Variants in SIDT2 observed in about 807,000 individuals in gnomAD.
SIDT2 encodes the protein SID1 transmembrane family, member 2.
Under a neutral mutation model 114.4 loss-of-function variants are expected in SIDT2, and 68 were observed. That is an observed-to-expected ratio of 0.59 (90% CI 0.49 to 0.73). The LOEUF is 0.73. Among genes scored for constraint, SIDT2 ranks in the 30% least tolerant of loss-of-function variants. The pLI is 0.00. For missense variants in SIDT2, 918 were observed against 1,097.1 expected, an observed-to-expected ratio of 0.84 and a Z score of 2.31; for synonymous variants, 470 against 438.4, an observed-to-expected ratio of 1.07 and a Z score of -0.90.
At position 117,192,719 on chromosome 11, in the gene SIDT2, G is replaced by T; in HGVS notation, c.2058+69G>T. 1 of 1,612,044 alleles carries T rather than the reference G, an allele frequency of 6.2e-7. No individual in the cohort carries two copies. ...TTCCCTCTGATGGGGGAGTGGGGCT[G>T]GGCTGAGGACCCAGGGGAGAGTGGG... On this transcript the variant is annotated intron_variant, in intron 21 of 25. Coordinates refer to ENST00000324225, the MANE Select transcript of SIDT2 (RefSeq NM_001040455.2). This position sits in a 1 kb window ranked among gnomAD's most constrained non-coding sequence, Gnocchi z 5.9.
intron 23 of SIDT2, 64 bp downstream of exon 23, chr11:117,193,322 C>G: frequency 7.2e-7 from 1 of 1,380,754 alleles, no homozygotes; most frequent in East Asian, 2.3e-5. Flanking sequence ...GAGATGGGCC[C>G]GGCAGCATTG....
rs115389334 is a variant in SIDT2 at position 117,195,360 on chromosome 11, T to A, written c.2323-442T>A. Among the ~76,000 whole-genome samples the A allele has an allele frequency of 4.5e-3, 684 of 152,178 alleles. 8 individuals carry two copies. The highest frequency in any genetic ancestry group is 0.015 in the African/African-American group (641 of 41,516). ...CAGGGAGGACCTTGAGTGCCACAGG[T>A]TATGGCTACTGTCCCGGAGCAGGTG... On this transcript the variant is annotated intron_variant, in intron 24 of 25. Coordinates refer to ENST00000324225, the MANE Select transcript of SIDT2 (RefSeq NM_001040455.2).
In SIDT2 at chr11:117,181,862, AC is replaced by A; in HGVS notation, c.363del (p.Lys122ArgfsTer64). The A allele has an allele frequency of 6.2e-7, 1 of 1,614,176 alleles. No individual in the cohort carries two copies. The highest frequency in any genetic ancestry group is 8.5e-7 in the Non-Finnish European group (1 of 1,180,020). On this transcript the variant is annotated frameshift_variant, in exon 3 of 26. Transcript: ENST00000324225. LOFTEE classifies it high-confidence loss of function. ...KVERTLCQPP[T>X]KNESEIQFFY... is the part of the protein sequence containing the mutation. The stretch of plus-strand genomic sequence containing the variant: ...GGAACGAACCCTGTGTCAGCCCCCC[AC>A]CAAGAATGAGTCGGAGATTCAGTTC...
chr11:117,182,432 C>A, intron 4 of SIDT2, 87 bp from the exon 5 acceptor site: 1 of 1,239,276 alleles, frequency 8.1e-7, no homozygotes, highest in Non-Finnish European at 1.2e-6. Flanking sequence ...ATTCTGGGTC[C>A]TCGCTTATAG....
Position 117,190,257 on chromosome 11 carries a change from C to G in SIDT2, c.1585C>G (p.Arg529Gly), listed in dbSNP as rs868396005. The change falls in exon 17 of 26, where the codon CGG becomes GGG. Residue 529 changes from arginine (R) to glycine (G), a missense_variant. By Grantham distance (125) the Arg-to-Gly change is moderately radical. Transcript: ENST00000324225. This position sits in a 1 kb window ranked among gnomAD's most constrained non-coding sequence, Gnocchi z 4.1. ...CCTGCAACGGGAGATCAACCACAAC[C>G]GGGCCCTGCTGCGCAATGACCTCTG... ...IILQREINHN[R>G]ALLRNDLCAL... is the part of the protein sequence containing the mutation. 6.4e-7 allele frequency: 1 copy of G among 1,563,514 alleles called. No homozygotes were observed. The highest frequency in any genetic ancestry group is 8.6e-7 in the Non-Finnish European group (1 of 1,156,246).
chr11:117,179,625 T>C (rs1288573353), intron 1 of SIDT2, 179 bp downstream of exon 1: 7 of 598,472 alleles, frequency 1.2e-5, no homozygotes, highest in African/African-American at 3.7e-5. Context: ...CACCAATGTT[T>C]CTCTGAAGCT....
intron 10 of SIDT2, 61 bp from the exon 11 acceptor site, chr11:117,187,317 C>G: frequency 6.7e-7 from 1 of 1,500,212 alleles, no homozygotes; most frequent in Non-Finnish European, 9.3e-7. Flanking sequence ...CTTTGTTCTT[C>G]TCCCTGGCTC....
chr11:117,190,754 CCTT>C lies in SIDT2; in HGVS notation c.1735+18_1735+20del, dbSNP rs776466603. On this transcript the variant is annotated intron_variant, in intron 18 of 25. Coordinates refer to ENST00000324225, the MANE Select transcript of SIDT2 (RefSeq NM_001040455.2). The surrounding 1 kb of genome is among the most constrained non-coding windows in gnomAD (Gnocchi z 4.1). Reference sequence around the variant, plus strand: ...ATTTCCAGTTTGGTGAGTGGGGCGTCCTTCTTTTCTGGCTCAACCTACAGCAGG... The same window carrying C: ...ATTTCCAGTTTGGTGAGTGGGGCGTCCTTTTCTGGCTCAACCTACAGCAGG... 16 of 1,601,410 alleles carry C rather than the reference CCTT, an allele frequency of 1.0e-5. No individual in the cohort carries two copies. The highest frequency in any genetic ancestry group is 8.3e-5 in the Admixed American group (5 of 59,960).
In SIDT2 at chr11:117,189,240, C is replaced by G; in HGVS notation, c.1350C>G (p.Phe450Leu). 6.2e-7 allele frequency: 1 copy of G among 1,614,250 alleles called. No individual in the cohort carries two copies. The highest frequency in any genetic ancestry group is 8.5e-7 in the Non-Finnish European group (1 of 1,180,036). Residue 450 changes from phenylalanine (F) to leucine (L), a missense_variant and splice_region_variant, in exon 14 of 26, where the codon TTC becomes TTG. Transcript: ENST00000324225. Reference protein sequence around the residue: ...RVLRKKYQIYFWNIATIAVFY... With the variant: ...RVLRKKYQIYLWNIATIAVFY... ...TGCGGAAAAAGTACCAGATCTACTT[C>G]TGGTGAGTGGGCTGAGTGTCTGGGG... is the stretch of plus-strand genomic sequence containing the variant.
intron 1 of SIDT2, among the ~76,000 whole-genome samples, chr11:117,180,273 GCAGGCCAGGATCTGCC>G (rs2030227074): frequency 6.6e-6 from 1 of 152,102 alleles, no homozygotes; most frequent in Non-Finnish European, 1.5e-5. Flanking sequence ...GGTTTCTGTG[GCAGGCCAGGATCTGCC>G]CCCAGTGCCT....
chr11:117,186,946 CCT>C, intron 10 of SIDT2: 1 of 1,483,266 alleles, frequency 6.7e-7, no homozygotes. Context: ...TCCACCCCTC[CCT>C]CTCTTTCTGT....
At chr11:117,186,003 C>T in intron 8 of SIDT2, 127 bp from the exon 9 acceptor site, 1 of 713,426 alleles carries the variant, frequency 1.4e-6, no homozygotes, top group Non-Finnish European at 2.4e-6. Flanking sequence ...CTAGGCAGGG[C>T]CTTACATTTG....
In SIDT2 at chr11:117,189,497, GACCTGGGTTC is replaced by G. The variant is rs941563294; in HGVS notation, c.1419+98_1419+107del. ...CTGGGGCCCTGGTGTTCCATCACAG[GACCTGGGTTC>G]AGATCCCAGCTCTGCCTTCCCAGCC... On this transcript the variant is annotated intron_variant, in intron 15 of 25. Coordinates refer to ENST00000324225, the MANE Select transcript of SIDT2 (RefSeq NM_001040455.2). 5.9e-6 allele frequency: 8 copies of G among 1,356,272 alleles called. No homozygotes were observed. The Admixed American group carries it at 1.6e-4, about 27-fold the overall frequency. 84.0% of individuals were successfully genotyped at this position (1,356,272 alleles called of 1,614,324 possible). A position where few individuals can be genotyped will look rare whatever the true frequency, so the allele number is the denominator to read the frequency against.
rs768646260 is a variant in SIDT2, at chr11:117,195,850, G to C, written c.2371G>C (p.Asp791His). The C allele has an allele frequency of 6.2e-7, 1 of 1,614,182 alleles. No individual in the cohort carries two copies. Among genetic ancestry groups the C allele is most frequent in the Non-Finnish European group, 8.5e-7 (1 of 1,180,036 alleles). ...REHNRDCILL[D>H]FFDDHDIWHF... ...GCACAACCGGGACTGCATCCTCCTC[G>C]ACTTCTTTGACGACCACGACATCTG... Residue 791 changes from aspartate (D) to histidine (H), a missense_variant, in exon 25 of 26, where the codon GAC (aspartate) becomes CAC (histidine). Physicochemically the swap from Asp to His is moderately conservative, Grantham distance 81. This residue lies in a region of SIDT2 where 275 missense variants were observed against 397.6 expected (regional missense o/e 0.69). Transcript: ENST00000324225.
Position 117,188,777 on chromosome 11 carries a change from A to G in SIDT2, c.1229A>G (p.Tyr410Cys), listed in dbSNP as rs1591769564. 3 of 1,614,120 alleles carry G rather than the reference A, an allele frequency of 1.9e-6. No homozygotes were observed. Among genetic ancestry groups the G allele is most frequent in the South Asian group, 2.2e-5 (2 of 91,084 alleles). Residue 410 changes from tyrosine to cysteine, a missense_variant, in exon 13 of 26, where the codon TAC becomes TGC. Transcript: ENST00000324225. This position sits in a 1 kb window ranked among gnomAD's most constrained non-coding sequence, Gnocchi z 4.0. ...DSMSSVEEDD[Y>C]DTLTDIDSDK... is the part of the protein sequence containing the mutation. ...ATGAGCTCTGTGGAGGAGGATGACTACGACACATTGACCGACATCGATTCC... is the reference window on the plus strand; with the variant it reads ...ATGAGCTCTGTGGAGGAGGATGACTGCGACACATTGACCGACATCGATTCC...
At chr11:117,184,216 G>T (rs2134250475) in intron 8 of SIDT2, 77 bp downstream of exon 8, 1 of 1,418,050 alleles carries the variant, frequency 7.1e-7, no homozygotes, top group South Asian at 1.2e-5. Context: ...TATAGGGTGT[G>T]CCCTGAAGTG....
chr11:117,189,937 C>T lies in SIDT2; in HGVS notation c.1420-15C>T, dbSNP rs770428009. ...GTGACGACAGACCCACTCCCTGTCC[C>T]TGCTCCTGCTACAGGTGGTGAATGT... On this transcript the variant is annotated splice_polypyrimidine_tract_variant and intron_variant, in intron 15 of 25. Coordinates refer to ENST00000324225, the MANE Select transcript of SIDT2 (RefSeq NM_001040455.2). 13 of 1,613,820 alleles carry T rather than the reference C, an allele frequency of 8.1e-6. No homozygotes were observed. Among genetic ancestry groups the T allele is most frequent in the African/African-American group, 2.7e-5 (2 of 74,930 alleles).
At chr11:117,182,489 G>GGGGCTCTCC in intron 4 of SIDT2, 30 bp from the exon 5 acceptor site, 1 of 1,586,890 alleles carries the variant, frequency 6.3e-7, no homozygotes, top group Non-Finnish European at 8.7e-7. Context: ...CTCATGAGAT[G>GGGGCTCTCC]GGGCTCTCCC....
At chr11:117,195,644 C>T (rs994736600) in intron 24 of SIDT2, among the ~76,000 whole-genome samples, 158 bp from the exon 25 acceptor site, 13 of 152,130 alleles carry the variant, frequency 8.5e-5, no homozygotes, top group Non-Finnish European at 1.8e-4. Flanking sequence ...TTTGTTAGAT[C>T]GGGAAGGGGT....
Sources: gnomAD v4.1 joint callset for allele counts (sites outside exome capture counted in the v4.1 genomes callset) on GRCh38, gnomAD v4.1.1 for gene constraint, gnomAD v4.1.1 regional missense constraint, Gnocchi (gnomAD v3.1) non-coding constraint, MANE v1.5 for transcripts, NCBI Gene and HGNC (gene_info 2026-07-23, HGNC 2026-07-21) for gene names.